Variants in CELF4 observed in about 807,000 individuals in gnomAD.
CELF4 encodes CUGBP Elav-like family member 4, also known as CUG-BP- and ETR-3-like factor 4.
CELF4 carries 18 observed loss-of-function variants against 59.9 expected under a neutral mutation model. That is an observed-to-expected ratio of 0.30 (90% CI 0.21 to 0.45). CELF4 has a LOEUF of 0.45. Among genes scored for constraint, CELF4 ranks in the 20% least tolerant of loss-of-function variants. The pLI is 1.00. For synonymous variants in CELF4, 261 were observed against 267.1 expected (o/e 0.98, Z 0.22); for missense variants, 456 against 689.0 (o/e 0.66, Z 3.79).
At chr18:37,529,088 G>T (rs776975453) in intron 1 of CELF4, 1 of 152,146 alleles carries the variant, frequency 6.6e-6, no homozygotes, top group East Asian at 1.9e-4. Context: ...AAGAACCAGG[G>T]TCTCAAATTG....
intron 2 of CELF4, among the ~76,000 whole-genome samples, chr18:37,356,370 A>C (rs11082002): frequency 0.59 from 89,033 of 152,040 alleles, 26,211 homozygotes; most frequent in South Asian, 0.69. Context: ...TGGGGGGCAG[A>C]AAAGAAAGAG....
intron 3 of CELF4, among the ~76,000 whole-genome samples, chr18:37,281,197 G>A (rs572791644): frequency 3.2e-4 from 48 of 152,354 alleles, no homozygotes; most frequent in Non-Finnish European, 2.6e-4. Context: ...CCCTAGCCAC[G>A]TGGGAAGCAT....
intron 1 of CELF4, among the ~76,000 whole-genome samples, chr18:37,556,424 C>A (rs1471281653): frequency 6.6e-6 from 1 of 152,248 alleles, no homozygotes. Context: ...ATATGAAAGC[C>A]TGGCATGCCA....
chr18:37,328,838 C>G lies in CELF4; in HGVS notation c.370-6957G>C, dbSNP rs923090001. 3.3e-5 allele frequency among the ~76,000 whole-genome samples: 5 copies of G among 152,310 alleles called. No individual in the cohort carries two copies. The South Asian group carries it at 1.0e-3, about 32-fold the overall frequency. On this transcript the variant is annotated intron_variant, in intron 2 of 12. Transcript: ENST00000420428. ...CCCGCACGCTAGAGCTCACTGTGCC[C>G]TAATCCCACCAGCATCACTGCTCTG...
chr18:37,306,298 C>T (rs1483069451), intron 3 of CELF4: 1 of 152,314 alleles, frequency 6.6e-6, no homozygotes, highest in East Asian at 1.9e-4. Flanking sequence ...CAGAGGCGCC[C>T]TGTGAAGTCG....
chr18:37,354,129 G>A (rs993851061), intron 2 of CELF4, among the ~76,000 whole-genome samples: 4 of 152,076 alleles, frequency 2.6e-5, no homozygotes, highest in African/African-American at 9.7e-5. Context: ...TTAGGACTTG[G>A]GCCCTTAGGG....
At chr18:37,286,552 C>T (rs2094797987) in intron 3 of CELF4, among the ~76,000 whole-genome samples, 1 of 152,220 alleles carries the variant, frequency 6.6e-6, no homozygotes, top group Non-Finnish European at 1.5e-5. Flanking sequence ...GTGCAAACCC[C>T]CTGCCCCTCT....
intron 2 of CELF4, among the ~76,000 whole-genome samples, chr18:37,468,655 CA>C (rs2099814372): frequency 6.6e-6 from 1 of 152,104 alleles, no homozygotes; most frequent in African/African-American, 2.4e-5. Flanking sequence ...GGTAATTTAT[CA>C]AGAAAAGAGG....
chr18:37,411,057 C>G (rs565927806), intron 2 of CELF4, among the ~76,000 whole-genome samples: 1 of 152,046 alleles, frequency 6.6e-6, no homozygotes, highest in African/African-American at 2.4e-5. Context: ...CCTGGGCTCA[C>G]GAGATCCTCC....
intron 2 of CELF4, among the ~76,000 whole-genome samples, chr18:37,343,329 CTGTGTGTGTGTGTGTG>C (rs5824051): frequency 3.5e-4 from 45 of 127,050 alleles, no homozygotes; most frequent in South Asian, 9.0e-4. Flanking sequence ...GGTGTTGATT[CTGTGTGTGTGTGTGTG>C]TGTGTGTGTG....
chr18:37,488,191 G>GAGAC (rs1430673900), intron 1 of CELF4, among the ~76,000 whole-genome samples: 43 of 152,142 alleles, frequency 2.8e-4, no homozygotes, highest in African/African-American at 1.0e-3. Context: ...CACTTCCCTT[G>GAGAC]ACCACCCCAT....
chr18:37,562,295 T>C (rs1389621969), intron 1 of CELF4, among the ~76,000 whole-genome samples: 1 of 152,164 alleles, frequency 6.6e-6, no homozygotes, highest in Non-Finnish European at 1.5e-5. Context: ...TCTTTAGATA[T>C]CTGAAATGGC....
intron 1 of CELF4, among the ~76,000 whole-genome samples, chr18:37,545,622 G>C (rs2099980968): frequency 6.6e-6 from 1 of 152,174 alleles, no homozygotes; most frequent in African/African-American, 2.4e-5. Flanking sequence ...TCCAAGTGCT[G>C]CCTCTGGCCT....
intron 2 of CELF4, among the ~76,000 whole-genome samples, chr18:37,342,228 C>A (rs1307329131): frequency 9.5e-6 from 1 of 105,386 alleles, no homozygotes; most frequent in Non-Finnish European, 1.9e-5. Context: ...AAGATAACAG[C>A]ACATGCACAC....
chr18:37,296,783 C>T (rs1036188287), intron 3 of CELF4, among the ~76,000 whole-genome samples: 36 of 152,324 alleles, frequency 2.4e-4, no homozygotes, highest in Non-Finnish European at 2.8e-4. Flanking sequence ...CAGCATCATT[C>T]TATGTCCTCC....
At chr18:37,257,634 G>A (rs1001870929) in intron 11 of CELF4, among the ~76,000 whole-genome samples, 4 of 152,234 alleles carry the variant, frequency 2.6e-5, no homozygotes, top group South Asian at 4.2e-4. Flanking sequence ...CTTAACATGC[G>A]CTTCCTGATG....
At chr18:37,397,888 AG>A (rs1214333699) in intron 2 of CELF4, among the ~76,000 whole-genome samples, 2 of 152,114 alleles carry the variant, frequency 1.3e-5, no homozygotes, top group Non-Finnish European at 2.9e-5. Context: ...GGCGGGGGCA[AG>A]GGGGTGCGGA....
intron 1 of CELF4, among the ~76,000 whole-genome samples, chr18:37,549,186 G>A (rs189882072): frequency 1.8e-4 from 27 of 152,310 alleles, no homozygotes; most frequent in African/African-American, 5.1e-4. Flanking sequence ...TTATTTAAAG[G>A]ATTTGACTGT....
rs1557426566 is a variant in CELF4 at position 37,539,471 on chromosome 18, A to AC, written c.286+25884_286+25885insG. ...AAGACACACACACACACACACACAC[A>AC]AACACACACACACACACACACGCGT... On this transcript the variant is annotated intron_variant, in intron 1 of 12. Transcript: ENST00000420428. Among the ~76,000 whole-genome samples, 425 of 89,212 alleles carry AC rather than the reference A, an allele frequency of 4.8e-3. 2 individuals are homozygous for AC. Among genetic ancestry groups the AC allele is most frequent in the South Asian group, 0.015 (41 of 2,660 alleles). The allele number at this position is 89,212 out of a possible 152,430, so 58.5% of individuals were successfully genotyped here.
Sources: gnomAD v4.1 joint callset for allele counts (sites outside exome capture counted in the v4.1 genomes callset) on GRCh38, gnomAD v4.1.1 for gene constraint, MANE v1.5 for transcripts, NCBI Gene and HGNC (gene_info 2026-07-23, HGNC 2026-07-21) for gene names.